The following ADK variants were observed in gnomAD, a reference collection of about 807,000 sequenced individuals.
The protein encoded by ADK is adenosine kinase, also known as N6,N6-dimethyladenosine kinase.
A neutral mutation model predicts 44.7 loss-of-function variants in ADK; 24 were observed. The ratio of observed to expected loss-of-function variants is 0.54; its 90% confidence interval spans 0.39 to 0.76. The LOEUF is 0.76. Among genes scored for constraint, ADK ranks in the 30% least tolerant of loss-of-function variants. The pLI is 0.00. For missense variants in ADK, 321 were observed against 425.1 expected (o/e 0.76, Z 2.15); for synonymous variants, 128 against 142.6 (o/e 0.90, Z 0.73).
intron 3 of ADK, among the ~76,000 whole-genome samples, chr10:74,262,035 T>C (rs933077329): frequency 3.3e-5 from 5 of 152,286 alleles, no homozygotes; most frequent in Non-Finnish European, 5.9e-5. Flanking sequence ...AAAACACTCA[T>C]GGGCCGGGTG....
intron 4 of ADK, among the ~76,000 whole-genome samples, chr10:74,389,939 C>G (rs900791086): frequency 5.3e-5 from 8 of 152,058 alleles, no homozygotes; most frequent in African/African-American, 1.9e-4. Flanking sequence ...AACATGTAGA[C>G]TCTCTGATTA....
intron 4 of ADK, among the ~76,000 whole-genome samples, chr10:74,390,016 A>G (rs918965324): frequency 6.6e-6 from 1 of 152,102 alleles, no homozygotes; most frequent in Non-Finnish European, 1.5e-5. Context: ...TATTTTGATG[A>G]CAAATTATTT....
intron 1 of ADK, among the ~76,000 whole-genome samples, chr10:74,157,884 C>G (rs1253572554): frequency 6.6e-6 from 1 of 152,106 alleles, no homozygotes; most frequent in East Asian, 1.9e-4. Flanking sequence ...AGCGCAACTC[C>G]ATAAATTGAG....
chr10:74,215,889 C>G (rs191353305), intron 2 of ADK, among the ~76,000 whole-genome samples: 343 of 151,956 alleles, frequency 2.3e-3, no homozygotes, highest in African/African-American at 7.7e-3. Flanking sequence ...ATCTCCTGAC[C>G]TTGTGATCCG....
chr10:74,652,050 CTTT>C (rs1162009549), intron 9 of ADK, among the ~76,000 whole-genome samples: 2 of 140,396 alleles, frequency 1.4e-5, no homozygotes. Flanking sequence ...TTCTTTCTTT[CTTT>C]TTTTTTTTTT....
intron 3 of ADK, among the ~76,000 whole-genome samples, chr10:74,247,289 A>T (rs1845461556): frequency 8.5e-6 from 1 of 117,932 alleles, no homozygotes; most frequent in Admixed American, 1.2e-4. Flanking sequence ...CGGGGGCTGG[A>T]GTGCAGTGGT....
At chr10:74,445,680 G>A (rs762198418) in intron 6 of ADK, among the ~76,000 whole-genome samples, 39 of 151,950 alleles carry the variant, frequency 2.6e-4, no homozygotes, top group Non-Finnish European at 5.4e-4. Flanking sequence ...CCTCTGATCT[G>A]CACTGAGGCA....
At chr10:74,402,642 G>A (rs142689404) in intron 6 of ADK, among the ~76,000 whole-genome samples, 2 of 152,164 alleles carry the variant, frequency 1.3e-5, no homozygotes, top group Middle Eastern at 6.8e-3. Context: ...TTAGCCTGTC[G>A]TCTAATCTTT....
intron 3 of ADK, among the ~76,000 whole-genome samples, chr10:74,251,894 C>CTTTTTTTTT (rs566363104): frequency 3.0e-5 from 3 of 99,386 alleles, no homozygotes; most frequent in Non-Finnish European, 3.7e-5. Flanking sequence ...GTGGCAGATA[C>CTTTTTTTTT]TTTTTTTTTT....
chr10:74,476,117 T>G (rs1224568561), intron 6 of ADK, among the ~76,000 whole-genome samples: 1 of 152,222 alleles, frequency 6.6e-6, no homozygotes, highest in East Asian at 1.9e-4. Context: ...TTTAACTTCC[T>G]TCTCTGATAG....
chr10:74,394,539 C>T (rs1469173311), intron 5 of ADK, among the ~76,000 whole-genome samples: 2 of 152,098 alleles, frequency 1.3e-5, no homozygotes, highest in Admixed American at 6.5e-5. Context: ...GTTATTTAGT[C>T]CAGTCTCTAC....
chr10:74,255,959 G>GTA (rs999426850), intron 3 of ADK, among the ~76,000 whole-genome samples: 2 of 152,132 alleles, frequency 1.3e-5, no homozygotes, highest in African/African-American at 4.8e-5. Context: ...TCATAACTGG[G>GTA]TAGTCAACGA....
intron 4 of ADK, among the ~76,000 whole-genome samples, chr10:74,369,322 C>T (rs947103028): frequency 2.6e-5 from 4 of 152,156 alleles, no homozygotes; most frequent in African/African-American, 4.8e-5. Flanking sequence ...TGCCGCTGTG[C>T]TCCAGCCTCA....
intron 4 of ADK, among the ~76,000 whole-genome samples, chr10:74,359,285 T>A (rs188366941): frequency 5.7e-4 from 87 of 152,308 alleles, no homozygotes; most frequent in Non-Finnish European, 1.1e-3. Flanking sequence ...CTCAGGATTA[T>A]TTTAGCTATT....
At chr10:74,298,229 C>G (rs1381418686) in intron 3 of ADK, among the ~76,000 whole-genome samples, 1 of 152,080 alleles carries the variant, frequency 6.6e-6, no homozygotes, top group African/African-American at 2.4e-5. Flanking sequence ...TATGTTACAA[C>G]AGCAGAATTT....
intron 6 of ADK, among the ~76,000 whole-genome samples, chr10:74,463,081 A>AT (rs139691310): frequency 7.9e-5 from 12 of 151,548 alleles, no homozygotes; most frequent in Admixed American, 6.6e-5. Context: ...TGATTATTTT[A>AT]TTTTTTTTCT....
chr10:74,193,456 A>G (rs1211920619), intron 1 of ADK, among the ~76,000 whole-genome samples: 1 of 150,478 alleles, frequency 6.6e-6, no homozygotes, highest in Admixed American at 6.6e-5. Flanking sequence ...TCTTTTTGCT[A>G]ACTTTTTATT....
chr10:74,563,760 G>A (rs1850545196), intron 7 of ADK, among the ~76,000 whole-genome samples: 1 of 152,188 alleles, frequency 6.6e-6, no homozygotes, highest in South Asian at 2.1e-4. Flanking sequence ...AACCTTGAAA[G>A]CCACTGTGTT....
At chr10:74,449,059 A>G (rs1845683407) in intron 6 of ADK, among the ~76,000 whole-genome samples, 1 of 152,162 alleles carries the variant, frequency 6.6e-6, no homozygotes, top group African/African-American at 2.4e-5. Context: ...ATTTTGAGGA[A>G]TTGGCCTATG....
Sources: allele counts gnomAD v4.1 joint callset (sites outside exome capture counted in the v4.1 genomes callset), GRCh38; gene constraint gnomAD v4.1.1; transcripts MANE v1.5; gene names NCBI Gene and HGNC (gene_info 2026-07-23, HGNC 2026-07-21).